The following NSRP1 variants were observed in gnomAD, a reference collection of about 807,000 sequenced individuals.
NSRP1 encodes the protein nuclear speckle splicing regulatory protein 1.
In NSRP1, 24 loss-of-function variants were observed where a neutral mutation model predicts 54.7. The observed-to-expected ratio is 0.44, with a 90% confidence interval of 0.32 to 0.62. NSRP1 has a LOEUF of 0.62. Among genes scored for constraint, NSRP1 ranks in the 20% least tolerant of loss-of-function variants. The probability of loss-of-function intolerance (pLI) is 0.06; values close to 1 mark genes in which losing one functional copy is unlikely to be tolerated. For synonymous variants in NSRP1, 210 were observed against 213.8 expected (o/e 0.98, Z 0.15); for missense variants, 596 against 651.2 (o/e 0.92, Z 0.92).
At chr17:30,137,964 T>G (rs1159950041) in intron 2 of NSRP1, among the ~76,000 whole-genome samples, 1 of 152,214 alleles carries the variant, frequency 6.6e-6, no homozygotes, top group Non-Finnish European at 1.5e-5. Context: ...TGAGAACTTT[T>G]TTATCTTCCC....
intron 2 of NSRP1, among the ~76,000 whole-genome samples, chr17:30,166,748 C>T (rs1215643866): frequency 6.6e-6 from 1 of 152,068 alleles, no homozygotes; most frequent in African/African-American, 2.4e-5. Context: ...CATGGCAGAA[C>T]CCCATCTCTA....
intron 2 of NSRP1, chr17:30,122,350 T>A (rs1444569309): frequency 1.3e-5 from 1 of 78,246 alleles, no homozygotes; most frequent in African/African-American, 5.5e-5. Flanking sequence ...TAACTCTGGT[T>A]TCATATATAT....
intron 2 of NSRP1, among the ~76,000 whole-genome samples, chr17:30,139,040 C>A (rs2071778917): frequency 6.7e-6 from 1 of 149,448 alleles, no homozygotes; most frequent in South Asian, 2.1e-4. Flanking sequence ...GCCTCAGCCT[C>A]CCGAGTAGCT....
Position 30,184,642 on chromosome 17 carries a change from G to A in NSRP1, c.645G>A (p.Arg215=), listed in dbSNP as rs770735800. 4.5e-6 allele frequency: 7 copies of A among 1,568,186 alleles called. No individual in the cohort carries two copies. Among genetic ancestry groups the A allele is most frequent in the Non-Finnish European group, 5.2e-6 (6 of 1,159,034 alleles). The change falls in exon 7 of 7, where the codon AGG becomes AGA. Residue 215 remains arginine, a synonymous_variant. Transcript: ENST00000247026. ...ARSGIKEEKS[R]GFSNEVSSKN... ...CTGGTATAAAGGAAGAAAAATCAAG[G>A]GGCTTCTCCAATGAAGTAAGTTCAA...
chr17:30,170,185 G>T (rs1904878164), intron 2 of NSRP1, among the ~76,000 whole-genome samples: 1 of 151,868 alleles, frequency 6.6e-6, no homozygotes, highest in Non-Finnish European at 1.5e-5. Flanking sequence ...CAGTATATTT[G>T]CAAATCCTGA....
rs566112834 is a variant in NSRP1, at chr17:30,160,133, C to CA, written c.115-12407dup. On this transcript the variant is annotated intron_variant, in intron 2 of 6. Coordinates refer to ENST00000247026, the MANE Select transcript of NSRP1 (RefSeq NM_032141.4). ...ATTTGCATATGGTAAATTATCTTTA[C>CA]AACTCAGGGATAAATCCCACTTGAT... is the stretch of plus-strand genomic sequence containing the variant. Among the ~76,000 whole-genome samples the CA allele has an allele frequency of 5.2e-4, 79 of 152,310 alleles. No homozygotes were observed. The East Asian group carries it at 8.1e-3, about 16-fold the overall frequency.
rs1040348973 is a variant in NSRP1, at chr17:30,117,089, T to C, written c.20+226T>C. Reference sequence around the variant, plus strand: ...GAAACTTGTGAGGAAATAAAGGAAGTTAGGCTGAGGGGCAGAGAGCGAGAC... The same window carrying C: ...GAAACTTGTGAGGAAATAAAGGAAGCTAGGCTGAGGGGCAGAGAGCGAGAC... On this transcript the variant is annotated intron_variant, in intron 1 of 6. Coordinates refer to ENST00000247026, the MANE Select transcript of NSRP1 (RefSeq NM_032141.4). 1.3e-5 allele frequency: 10 copies of C among 766,188 alleles called. No homozygotes were observed. In the East Asian group the frequency reaches 2.5e-4, roughly 19 times the overall value. 47.5% of individuals were successfully genotyped at this position (766,188 alleles called of 1,614,324 possible).
chr17:30,179,754 T>C (rs1278660217), intron 5 of NSRP1, among the ~76,000 whole-genome samples: 1 of 152,156 alleles, frequency 6.6e-6, no homozygotes, highest in African/African-American at 2.4e-5. Flanking sequence ...AGAATAAAAA[T>C]TGGATGAATT....
intron 2 of NSRP1, among the ~76,000 whole-genome samples, chr17:30,142,358 C>CTTTGT (rs1324217354): frequency 1.3e-5 from 2 of 151,972 alleles, no homozygotes; most frequent in East Asian, 3.9e-4. Flanking sequence ...GTGGGTTTTG[C>CTTTGT]TTTGTTGCCT....
At chr17:30,128,911 GTTTT>G (rs886776025) in intron 2 of NSRP1, among the ~76,000 whole-genome samples, 2 of 150,434 alleles carry the variant, frequency 1.3e-5, no homozygotes, top group East Asian at 1.9e-4. Flanking sequence ...ACAATGAGTG[GTTTT>G]TTTGTTTTTT....
chr17:30,129,600 A>C (rs574174088), intron 2 of NSRP1, among the ~76,000 whole-genome samples: 4 of 152,318 alleles, frequency 2.6e-5, no homozygotes, highest in Admixed American at 6.5e-5. Flanking sequence ...ATGAAAAATT[A>C]ATCTTATTTT....
Position 30,152,327 on chromosome 17 carries a change from C to T in NSRP1, c.115-20215C>T, listed in dbSNP as rs145886331. Among the ~76,000 whole-genome samples, 616 of 151,672 alleles carry T rather than the reference C, an allele frequency of 4.1e-3. 4 individuals are homozygous for T. The highest frequency in any genetic ancestry group is 0.014 in the African/African-American group (567 of 41,318). On this transcript the variant is annotated intron_variant, in intron 2 of 6. Coordinates refer to ENST00000247026, the MANE Select transcript of NSRP1 (RefSeq NM_032141.4). ...TAGAGACAGGGTTTCATTCTGTTCG[C>T]CAGGCTGGTCTTGAACTCCTGACCT...
intron 2 of NSRP1, among the ~76,000 whole-genome samples, chr17:30,146,694 G>A (rs1347212425): frequency 6.6e-6 from 1 of 152,200 alleles, no homozygotes; most frequent in East Asian, 1.9e-4. Flanking sequence ...GGAGTACAGT[G>A]GCGCAATCTT....
intron 3 of NSRP1, among the ~76,000 whole-genome samples, chr17:30,176,599 G>C (rs1013868471): frequency 1.5e-5 from 2 of 132,852 alleles, no homozygotes; most frequent in African/African-American, 5.5e-5. Flanking sequence ...AACAGTGCAA[G>C]ACTTCGTCCC....
chr17:30,132,650 T>C (rs1327231886), intron 2 of NSRP1, among the ~76,000 whole-genome samples: 1 of 152,232 alleles, frequency 6.6e-6, no homozygotes, highest in East Asian at 1.9e-4. Flanking sequence ...AGTTTTATCA[T>C]GAGCAGTTCA....
At chr17:30,175,262 A>T (rs902153214) in intron 3 of NSRP1, among the ~76,000 whole-genome samples, 2 of 152,124 alleles carry the variant, frequency 1.3e-5, no homozygotes, top group African/African-American at 4.8e-5. Flanking sequence ...TTGTTGTTTC[A>T]TGCAAAACAT....
At chr17:30,155,886 C>A (rs1485656341) in intron 2 of NSRP1, among the ~76,000 whole-genome samples, 1 of 152,022 alleles carries the variant, frequency 6.6e-6, no homozygotes, top group Non-Finnish European at 1.5e-5. Context: ...GTCACCCAGG[C>A]TGGAGTGCAG....
chr17:30,181,266 A>C (rs777794161), intron 6 of NSRP1, among the ~76,000 whole-genome samples: 2 of 152,198 alleles, frequency 1.3e-5, no homozygotes, highest in Non-Finnish European at 2.9e-5. Context: ...ATTGAGTTTA[A>C]TATTATTGTA....
chr17:30,117,243 G>A (rs971948869), intron 1 of NSRP1: 17 of 608,384 alleles, frequency 2.8e-5, no homozygotes, highest in Non-Finnish European at 4.8e-5. Flanking sequence ...TCCTTAGAGG[G>A]CCTTGTTCTC....
Sources: allele counts gnomAD v4.1 joint callset (sites outside exome capture counted in the v4.1 genomes callset), GRCh38; gene constraint gnomAD v4.1.1; transcripts MANE v1.5; gene names NCBI Gene and HGNC (gene_info 2026-07-23, HGNC 2026-07-21).